Variants in NBEAL1 observed in about 807,000 individuals in gnomAD.
The protein encoded by NBEAL1 is neurobeachin like 1, also known as neurobeachin-like protein 1.
Under a neutral mutation model 351.3 loss-of-function variants are expected in NBEAL1, and 273 were observed. That is an observed-to-expected ratio of 0.78 (90% CI 0.70 to 0.86). The LOEUF (loss-of-function observed/expected upper bound fraction) is 0.86. Ranked by LOEUF, NBEAL1 falls within the 40% of genes least tolerant of loss-of-function variation. The pLI is 0.00. For synonymous variants in NBEAL1, 1,050 were observed against 1,086.4 expected (o/e 0.97, Z 0.66); for missense variants, 2,961 against 3,201.3 (o/e 0.92, Z 1.81).
intron 10 of NBEAL1, 143 bp downstream of exon 10, chr2:203,084,712 A>G (rs1574947247): frequency 2.1e-6 from 1 of 466,830 alleles, no homozygotes; most frequent in South Asian, 4.3e-5. Flanking sequence ...TTTATCTTGA[A>G]TTGAAACTAG....
At chr2:203,046,987 C>T (rs1559329444) in intron 3 of NBEAL1, among the ~76,000 whole-genome samples, 2 of 152,102 alleles carry the variant, frequency 1.3e-5, no homozygotes, top group South Asian at 2.1e-4. Flanking sequence ...CCTGCCTGAC[C>T]AACATGGAGA....
intron 10 of NBEAL1, among the ~76,000 whole-genome samples, chr2:203,088,200 A>G (rs2062003189): frequency 6.6e-6 from 1 of 152,222 alleles, no homozygotes; most frequent in South Asian, 2.1e-4. Context: ...TATGTTAACA[A>G]ATTTTAAATT....
At chr2:203,061,563 A>G (rs2106107598) in intron 6 of NBEAL1, 1 of 152,852 alleles carries the variant, frequency 6.5e-6, no homozygotes, top group Non-Finnish European at 1.5e-5. Context: ...TTACATTCCT[A>G]AGGCTTTTCT....
intron 10 of NBEAL1, among the ~76,000 whole-genome samples, chr2:203,087,777 T>C (rs2061995041): frequency 6.6e-6 from 1 of 152,188 alleles, no homozygotes; most frequent in Non-Finnish European, 1.5e-5. Flanking sequence ...GGGTGACACT[T>C]AAACTTTTTG....
intron 35 of NBEAL1, 97 bp from the exon 36 acceptor site, chr2:203,157,602 C>T (rs184300464): frequency 2.4e-6 from 2 of 845,504 alleles, no homozygotes; most frequent in Admixed American, 6.4e-5. Context: ...ATTGTTATAT[C>T]TAACAGTCAG....
At chr2:203,200,551 A>G (rs555201922) in intron 49 of NBEAL1, among the ~76,000 whole-genome samples, 1 of 151,576 alleles carries the variant, frequency 6.6e-6, no homozygotes, top group South Asian at 2.1e-4. Context: ...AAAATTAGCC[A>G]GGCATGGTAG....
chr2:203,105,093 G>A (rs2062404724), intron 12 of NBEAL1, among the ~76,000 whole-genome samples: 1 of 151,832 alleles, frequency 6.6e-6, no homozygotes, highest in South Asian at 2.1e-4. Flanking sequence ...TCCTGACCTC[G>A]TGATCTACCC....
chr2:203,168,236 T>C (rs1192821061), intron 38 of NBEAL1, among the ~76,000 whole-genome samples: 3 of 152,268 alleles, frequency 2.0e-5, no homozygotes. Context: ...AACTTTATTG[T>C]CTTTAAAGTA....
At chr2:203,189,766 T>C (rs1055613448) in intron 45 of NBEAL1, among the ~76,000 whole-genome samples, 1 of 152,160 alleles carries the variant, frequency 6.6e-6, no homozygotes, top group Non-Finnish European at 1.5e-5. Context: ...TATTTAATGT[T>C]TGATGCGTTG....
At position 203,144,780 on chromosome 2, in the gene NBEAL1, T is replaced by C; in HGVS notation, c.5029T>C (p.Tyr1677His). Reference protein sequence around the residue: ...PLVRTLVSKIYELLFMNLHLP... With the variant: ...PLVRTLVSKIHELLFMNLHLP... Reference sequence around the variant, plus strand: ...TGTTCGTACCCTGGTTTCCAAAATTTATGAGCTTCTCTTCATGAACTTGCA... The same window carrying C: ...TGTTCGTACCCTGGTTTCCAAAATTCATGAGCTTCTCTTCATGAACTTGCA... The change falls in exon 32 of 56, where the codon TAT becomes CAT. Residue 1677 changes from tyrosine to histidine, a missense_variant. Transcript: ENST00000683969. 1 of 1,614,190 alleles carries C rather than the reference T, an allele frequency of 6.2e-7. No individual in the cohort carries two copies. The highest frequency in any genetic ancestry group is 8.5e-7 in the Non-Finnish European group (1 of 1,180,014).
intron 2 of NBEAL1, among the ~76,000 whole-genome samples, chr2:203,022,438 A>G (rs921274286): frequency 6.6e-6 from 1 of 152,076 alleles, no homozygotes; most frequent in African/African-American, 2.4e-5. Context: ...CAGTTTTGTG[A>G]AGCTGCAGTA....
At chr2:203,087,727 G>T (rs2061994261) in intron 10 of NBEAL1, among the ~76,000 whole-genome samples, 1 of 152,054 alleles carries the variant, frequency 6.6e-6, no homozygotes, top group African/African-American at 2.4e-5. Flanking sequence ...ATGCTCCTGG[G>T]TCTAGATAGA....
rs1284917704 is a variant in NBEAL1, at chr2:203,083,200, A to G, written c.685-19A>G. ...TTCATTAGGTTTAGGTTTCATTTTT[A>G]TTGTCTCTAATGTTTCAGAGGAATG... On this transcript the variant is annotated intron_variant, in intron 8 of 55. Coordinates refer to ENST00000683969, the MANE Select transcript of NBEAL1 (RefSeq NM_001378026.1). 6 of 1,529,704 alleles carry G rather than the reference A, an allele frequency of 3.9e-6. No individual in the cohort carries two copies. The highest frequency in any genetic ancestry group is 1.2e-5 in the South Asian group (1 of 80,506). The allele number at this position is 1,529,704 out of a possible 1,614,324, so 94.8% of individuals were successfully genotyped here.
intron 24 of NBEAL1, 30 bp downstream of exon 24, chr2:203,127,967 CT>C: frequency 3.3e-6 from 5 of 1,513,524 alleles, no homozygotes; most frequent in Non-Finnish European, 3.6e-6. Flanking sequence ...TCTACTTTTC[CT>C]TTTTAACATT....
intron 38 of NBEAL1, 56 bp downstream of exon 38, chr2:203,167,416 CTAG>C (rs1377794536): frequency 2.3e-5 from 35 of 1,491,946 alleles, no homozygotes; most frequent in Non-Finnish European, 3.1e-5. Flanking sequence ...ACGTTTCCAG[CTAG>C]TGAGCTCTAA....
At position 203,209,713 on chromosome 2, in the gene NBEAL1, ATGTG is replaced by A. The variant is rs56169732; in HGVS notation, c.7785+421_7785+424del. Among the ~76,000 whole-genome samples the A allele has an allele frequency of 1.0e-3, 138 of 138,684 alleles. 2 individuals carry two copies. The highest frequency in any genetic ancestry group is 3.1e-3 in the African/African-American group (117 of 37,348). The allele number at this position is 138,684 out of a possible 152,430, so 91.0% of individuals were successfully genotyped here. A position where few individuals can be genotyped will look rare whatever the true frequency, so the allele number is the denominator to read the frequency against. On this transcript the variant is annotated intron_variant, in intron 53 of 55. Coordinates refer to ENST00000683969, the MANE Select transcript of NBEAL1 (RefSeq NM_001378026.1). Reference sequence around the variant, plus strand: ...TGACATCACTATTTATTTAATTAATATGTGTGTGTGTGTGTGTGTGTGTGTGTGT... The same window carrying A: ...TGACATCACTATTTATTTAATTAATATGTGTGTGTGTGTGTGTGTGTGTGT...
In NBEAL1 at chr2:203,224,590, T is replaced by C. The variant is rs2065989328; in HGVS notation, c.*7236T>C. On this transcript the variant is annotated 3_prime_UTR_variant, in exon 56 of 56. Coordinates refer to ENST00000683969, the MANE Select transcript of NBEAL1 (RefSeq NM_001378026.1). Reference sequence around the variant, plus strand: ...ATATGCACATAGTCAATTCAGAGCGTAATAACTAAAAATTCAGAATGACTT... The same window carrying C: ...ATATGCACATAGTCAATTCAGAGCGCAATAACTAAAAATTCAGAATGACTT... Among the ~76,000 whole-genome samples the C allele has an allele frequency of 6.6e-6, 1 of 152,164 alleles. No homozygotes were observed. The highest frequency in any genetic ancestry group is 6.5e-5 in the Admixed American group (1 of 15,280).
At chr2:203,066,861 G>A (rs557118345) in intron 6 of NBEAL1, among the ~76,000 whole-genome samples, 7 of 140,040 alleles carry the variant, frequency 5.0e-5, no homozygotes, top group African/African-American at 8.1e-5. Flanking sequence ...GATGATGGGC[G>A]GCCGGGCAGA....
At chr2:203,174,983 T>C (rs930116053) in intron 41 of NBEAL1, among the ~76,000 whole-genome samples, 164 bp from the exon 42 acceptor site, 5 of 152,114 alleles carry the variant, frequency 3.3e-5, no homozygotes, top group Admixed American at 1.3e-4. Flanking sequence ...ATTTTTTTCG[T>C]TTTCTAGTAT....
Sources: gnomAD v4.1 joint callset for allele counts (sites outside exome capture counted in the v4.1 genomes callset) on GRCh38, gnomAD v4.1.1 for gene constraint, MANE v1.5 for transcripts, NCBI Gene and HGNC (gene_info 2026-07-23, HGNC 2026-07-21) for gene names.